The following MBD5 variants were observed in gnomAD, a reference collection of about 807,000 sequenced individuals.
The protein encoded by MBD5 is methyl-CpG binding domain protein 5, also known as methyl-CpG-binding domain protein 5.
MBD5 carries 13 observed loss-of-function variants against 117.3 expected under a neutral mutation model. The observed-to-expected ratio is 0.11, with a 90% CI of 0.07 to 0.18. The LOEUF (loss-of-function observed/expected upper bound fraction) is 0.18, where lower values mean the gene tolerates loss of function less well. Ranked by LOEUF, MBD5 falls within the 10% of genes least tolerant of loss-of-function variation. The pLI, the probability that MBD5 is intolerant of heterozygous loss-of-function variation, is 1.00. For missense variants in MBD5, 1,879 were observed against 2,093.8 expected, an observed-to-expected ratio of 0.90 and a Z score of 2.00; for synonymous variants, 727 against 766.4, an observed-to-expected ratio of 0.95 and a Z score of 0.85.
chr2:148,124,797 G>A (rs1243294646), intron 1 of MBD5, among the ~76,000 whole-genome samples: 1 of 151,634 alleles, frequency 6.6e-6, no homozygotes, highest in Non-Finnish European at 1.5e-5. Context: ...TACAATTGAT[G>A]TATCTATTTA....
intron 1 of MBD5, among the ~76,000 whole-genome samples, chr2:148,176,096 CTG>C (rs1698377496): frequency 6.6e-6 from 1 of 152,040 alleles, no homozygotes; most frequent in Admixed American, 6.5e-5. Flanking sequence ...CAATGATAAA[CTG>C]TGGATTGATT....
chr2:148,426,283 C>T (rs1401353555), intron 4 of MBD5, among the ~76,000 whole-genome samples: 7 of 152,076 alleles, frequency 4.6e-5, no homozygotes, highest in Non-Finnish European at 7.3e-5. Flanking sequence ...ACTTTCTTCA[C>T]AGAATTGGAA....
intron 1 of MBD5, among the ~76,000 whole-genome samples, chr2:148,069,540 CT>C (rs1468917485): frequency 6.6e-6 from 1 of 151,710 alleles, no homozygotes; most frequent in Non-Finnish European, 1.5e-5. Context: ...TTATAGTATG[CT>C]ACTGTATTTA....
intron 1 of MBD5, among the ~76,000 whole-genome samples, chr2:148,081,976 C>A (rs1465532531): frequency 6.6e-6 from 1 of 152,202 alleles, no homozygotes; most frequent in Admixed American, 6.5e-5. Flanking sequence ...TTATTCACTT[C>A]CGCATGAGTC....
At chr2:148,156,427 G>A (rs114290012) in intron 1 of MBD5, among the ~76,000 whole-genome samples, 1,896 of 152,186 alleles carry the variant, frequency 0.012, 17 homozygotes, top group African/African-American at 0.033. Context: ...CTTTCGTCCC[G>A]CCAACCTCAT....
chr2:148,028,481 G>A (rs1443734550), intron 1 of MBD5: 1 of 151,898 alleles, frequency 6.6e-6, no homozygotes, highest in Non-Finnish European at 1.5e-5. Flanking sequence ...TTATACTTAG[G>A]GTTATCCTTG....
chr2:148,365,308 C>T (rs375323147), intron 4 of MBD5, among the ~76,000 whole-genome samples: 1 of 152,118 alleles, frequency 6.6e-6, no homozygotes, highest in East Asian at 1.9e-4. Flanking sequence ...AAAGACACAA[C>T]ATACCAGAAT....
In MBD5 at chr2:148,469,942, T is replaced by C. The variant is rs529715710; in HGVS notation, c.1999T>C (p.Leu667=). 9.3e-6 allele frequency: 15 copies of C among 1,613,978 alleles called. No homozygotes were observed. In the African/African-American group the frequency reaches 1.5e-4, roughly 16 times the overall value. ...AAGAAAACAACCACCTACGACAGTG[T>C]TGAGTTTGCTCAGACAGTCTCAAAT... ...RKRKQPPTTV[L]SLLRQSQMDS... The change falls in exon 8 of 14, where the codon TTG becomes CTG. Residue 667 remains leucine (L), a synonymous_variant. Coordinates refer to ENST00000642680, the MANE Select transcript of MBD5 (RefSeq NM_001378120.1).
rs60766324 is a variant in MBD5, at chr2:148,386,718, C to CAA, written c.-557+44406_-557+44407dup. 7.6e-3 allele frequency among the ~76,000 whole-genome samples: 795 copies of CAA among 103,974 alleles called. 19 individuals are homozygous for CAA. The highest frequency in any genetic ancestry group is 0.019 in the African/African-American group (507 of 27,260). 68.2% of individuals were successfully genotyped at this position (103,974 alleles called of 152,430 possible). Reference sequence around the variant, plus strand: ...TGGGCGACAGAGCGAGACTCCGTCTCAAAAAAAAAAAAAAAAAAAAAAAAA... The same window carrying CAA: ...TGGGCGACAGAGCGAGACTCCGTCTCAAAAAAAAAAAAAAAAAAAAAAAAAAA... On this transcript the variant is annotated intron_variant, in intron 4 of 13. Coordinates refer to ENST00000642680, the MANE Select transcript of MBD5 (RefSeq NM_001378120.1).
intron 3 of MBD5, among the ~76,000 whole-genome samples, chr2:148,310,399 C>A (rs1702000187): frequency 6.6e-6 from 1 of 152,106 alleles, no homozygotes; most frequent in African/African-American, 2.4e-5. Flanking sequence ...AGGAATTTAT[C>A]AATTTCTTCT....
In MBD5 at chr2:148,342,240, C is replaced by A. The variant is rs1702965265; in HGVS notation, c.-653C>A. On this transcript the variant is annotated 5_prime_UTR_variant, in exon 4 of 14. Transcript: ENST00000642680. The stretch of plus-strand genomic sequence containing the variant: ...GAGAAGAGGTACTCCCTTATAGGGA[C>A]TCGTAAAGACATAGAGCATCTGGAA... 6.6e-6 allele frequency: 1 copy of A among 151,980 alleles called. No homozygotes were observed. The highest frequency in any genetic ancestry group is 1.5e-5 in the Non-Finnish European group (1 of 67,950). The allele number at this position is 151,980 out of a possible 1,614,324, so 9.4% of individuals were successfully genotyped here. A position where few individuals can be genotyped will look rare whatever the true frequency, so the allele number is the denominator to read the frequency against.
intron 3 of MBD5, among the ~76,000 whole-genome samples, chr2:148,320,359 T>C (rs1358840663): frequency 3.9e-5 from 6 of 152,096 alleles, no homozygotes; most frequent in Admixed American, 3.3e-4. Context: ...TGCTTTTTGT[T>C]GTGGTTTGGT....
intron 1 of MBD5, among the ~76,000 whole-genome samples, chr2:148,154,956 C>T (rs1038265164): frequency 6.6e-6 from 1 of 152,184 alleles, no homozygotes; most frequent in Non-Finnish European, 1.5e-5. Flanking sequence ...TGGCTCCTCC[C>T]TAAATAAATA....
rs140971658 is a variant in MBD5 at position 148,123,567 on chromosome 2, T to C, written c.-924-55133T>C. On this transcript the variant is annotated intron_variant, in intron 1 of 13. Transcript: ENST00000642680. ...TCAAAGTAAGATGGGGGATGGATAA[T>C]ATAGGTTGTGTTTTGAATGTGTTCT... Among the ~76,000 whole-genome samples the C allele has an allele frequency of 4.6e-5, 7 of 152,280 alleles. No individual in the cohort carries two copies. The East Asian group carries it at 1.3e-3, about 29-fold the overall frequency.
At chr2:148,374,763 A>G (rs1456739190) in intron 4 of MBD5, among the ~76,000 whole-genome samples, 2 of 152,200 alleles carry the variant, frequency 1.3e-5, no homozygotes, top group African/African-American at 4.8e-5. Context: ...CAGAATAATC[A>G]TAGTACAAAT....
intron 3 of MBD5, among the ~76,000 whole-genome samples, chr2:148,318,634 A>G (rs1702211620): frequency 6.6e-6 from 1 of 152,100 alleles, no homozygotes; most frequent in Non-Finnish European, 1.5e-5. Flanking sequence ...TAATTTTTGT[A>G]TATGGTGATA....
Position 148,454,851 on chromosome 2 carries a change from A to G in MBD5, c.-556-3352A>G, listed in dbSNP as rs548453840. On this transcript the variant is annotated intron_variant, in intron 4 of 13. Transcript: ENST00000642680. ...CAAATGATTGAAAAAAAGCATATCA[A>G]TGGTTCCATAGACATTTAGGATTTT... Among the ~76,000 whole-genome samples the G allele has an allele frequency of 4.0e-4, 61 of 152,232 alleles. 1 individual carries two copies. The South Asian group carries it at 0.012, about 31-fold the overall frequency.
chr2:148,323,716 G>A (rs1289837783), intron 3 of MBD5, among the ~76,000 whole-genome samples: 4 of 151,868 alleles, frequency 2.6e-5, no homozygotes, highest in Non-Finnish European at 4.4e-5. Context: ...TTGTAAATTT[G>A]AGTTCATTGT....
chr2:148,375,670 T>C (rs1308165589), intron 4 of MBD5, among the ~76,000 whole-genome samples: 1 of 152,146 alleles, frequency 6.6e-6, no homozygotes, highest in African/African-American at 2.4e-5. Flanking sequence ...TATCAAAATA[T>C]AAGGAAAGTG....
Sources: gnomAD v4.1 joint callset for allele counts (sites outside exome capture counted in the v4.1 genomes callset) on GRCh38, gnomAD v4.1.1 for gene constraint, MANE v1.5 for transcripts, NCBI Gene and HGNC (gene_info 2026-07-23, HGNC 2026-07-21) for gene names.